CIDEA: variants seen among roughly 807,000 people sequenced by gnomAD.
CIDEA encodes the protein cell death inducing DFFA like effector a.
A neutral mutation model predicts 18.2 loss-of-function variants in CIDEA; 10 were observed. The ratio of observed to expected loss-of-function variants is 0.55; its 90% CI spans 0.34 to 0.93. The LOEUF (loss-of-function observed/expected upper bound fraction) is 0.93. Among genes scored for constraint, CIDEA ranks in the 40% least tolerant of loss-of-function variants. The pLI is 0.02. For missense variants in CIDEA, 309 were observed against 293.1 expected (o/e 1.05, Z -0.40); for synonymous variants, 128 against 124.8 (o/e 1.03, Z -0.17).
At position 12,254,817 on chromosome 18, in the gene CIDEA, A is replaced by G. The variant is rs7505615; in HGVS notation, c.38+396A>G. ...AGGAACCCCGAGCAAAGCTTCCGCG[A>G]TGCGAGGGGACCGGGCTTCTGGGGG... On this transcript the variant is annotated intron_variant, in intron 1 of 4. Coordinates refer to ENST00000320477, the MANE Select transcript of CIDEA (RefSeq NM_001279.4). The G allele has an allele frequency of 0.19, 253,233 of 1,341,268 alleles. 27,457 individuals are homozygous for G. Among genetic ancestry groups the G allele is most frequent in the African/African-American group, 0.45 (30,158 of 67,536 alleles). 83.1% of individuals were successfully genotyped at this position (1,341,268 alleles called of 1,614,324 possible).
intron 3 of CIDEA, among the ~76,000 whole-genome samples, chr18:12,268,229 C>CTTTTTGTTTTTTTTT (rs1491473988): frequency 1.4e-5 from 1 of 72,998 alleles, no homozygotes; most frequent in Non-Finnish European, 2.6e-5. Context: ...CATGCCCGGC[C>CTTTTTGTTTTTTTTT]ATTTTTTTTT....
At chr18:12,261,697 C>T (rs1474970964) in intron 1 of CIDEA, among the ~76,000 whole-genome samples, 2 of 152,014 alleles carry the variant, frequency 1.3e-5, no homozygotes, top group African/African-American at 4.8e-5. Context: ...TCTCCACTTC[C>T]TGAGTAGATG....
rs1170183143 is a variant in CIDEA at position 12,277,224 on chromosome 18, G to A, written c.614G>A (p.Arg205Gln). The A allele has an allele frequency of 2.2e-5, 35 of 1,614,052 alleles. No individual in the cohort carries two copies. Among genetic ancestry groups the A allele is most frequent in the Admixed American group, 3.3e-5 (2 of 59,996 alleles). The change falls in exon 5 of 5, where the codon CGG (arginine) becomes CAG (glutamine). Residue 205 changes from arginine to glutamine, a missense_variant. Arg to Gln is a conservative substitution (Grantham distance 43, BLOSUM62 1). Coordinates refer to ENST00000320477, the MANE Select transcript of CIDEA (RefSeq NM_001279.4). ...MLRVLDDKEE[R>Q]PSLRSQAKGR... ...CGGGTGCTGGATGACAAGGAAGAGC[G>A]GCCATCCCTCCGGTCACAAGCCAAG...
intron 4 of CIDEA, among the ~76,000 whole-genome samples, chr18:12,276,548 C>T (rs1905338747): frequency 6.6e-6 from 1 of 152,208 alleles, no homozygotes; most frequent in South Asian, 2.1e-4. Context: ...AGCCATGGAA[C>T]TCACGACAGC....
intron 3 of CIDEA, among the ~76,000 whole-genome samples, chr18:12,265,522 C>T (rs1212414859): frequency 6.6e-6 from 1 of 152,236 alleles, no homozygotes; most frequent in Non-Finnish European, 1.5e-5. Context: ...TTAGAGCTCT[C>T]TCCTGGCAAT....
At chr18:12,258,237 T>C (rs1221998309) in intron 1 of CIDEA, among the ~76,000 whole-genome samples, 6 of 152,188 alleles carry the variant, frequency 3.9e-5, no homozygotes, top group African/African-American at 1.4e-4. Flanking sequence ...CAGAAATGGT[T>C]GCCAGCTCTT....
chr18:12,260,133 G>C (rs191089927), intron 1 of CIDEA, among the ~76,000 whole-genome samples: 1 of 152,128 alleles, frequency 6.6e-6, no homozygotes, highest in Non-Finnish European at 1.5e-5. Context: ...GGCGATTTTT[G>C]AGAGCCAGCT....
At chr18:12,272,156 G>T (rs905351155) in intron 3 of CIDEA, among the ~76,000 whole-genome samples, 2 of 14,776 alleles carry the variant, frequency 1.4e-4, no homozygotes, top group South Asian at 3.7e-3. Context: ...GTGTGGGGGG[G>T]GGGGGTTGGG....
chr18:12,269,384 TA>T (rs1912449365), intron 3 of CIDEA, among the ~76,000 whole-genome samples: 1 of 152,190 alleles, frequency 6.6e-6, no homozygotes, highest in Non-Finnish European at 1.5e-5. Flanking sequence ...TTCTTTTTTT[TA>T]TATTATGCCA....
chr18:12,277,129 G>A lies in CIDEA; in HGVS notation c.519G>A (p.Leu173=). The change falls in exon 5 of 5, where the codon CTG becomes CTA. Residue 173 remains leucine, a synonymous_variant. Transcript: ENST00000320477. The part of the protein sequence containing the change: ...CTGLKGLLRS[L]LRFLSYSAQV... ...CCATCTGCCTCTGCCACAGGAGTCTGCTGCGGTTCCTGTCCTACTCCGCCC... is the reference window on the plus strand; with the variant it reads ...CCATCTGCCTCTGCCACAGGAGTCTACTGCGGTTCCTGTCCTACTCCGCCC... 1 of 1,614,126 alleles carries A rather than the reference G, an allele frequency of 6.2e-7. No homozygotes were observed. Among genetic ancestry groups the A allele is most frequent in the Non-Finnish European group, 8.5e-7 (1 of 1,180,018 alleles).
intron 1 of CIDEA, among the ~76,000 whole-genome samples, chr18:12,256,895 G>A (rs758805497): frequency 7.9e-5 from 12 of 152,182 alleles, no homozygotes; most frequent in African/African-American, 1.4e-4. Flanking sequence ...GGTAGCTTGC[G>A]AAGAACTGAG....
At chr18:12,261,462 T>A (rs1391660909) in intron 1 of CIDEA, among the ~76,000 whole-genome samples, 1 of 152,238 alleles carries the variant, frequency 6.6e-6, no homozygotes, top group East Asian at 1.9e-4. Context: ...GCAGGGTAAC[T>A]GTGTCTCCCC....
intron 2 of CIDEA, 132 bp from the exon 3 acceptor site, chr18:12,264,175 G>T: frequency 1.2e-6 from 1 of 803,186 alleles, no homozygotes; most frequent in Non-Finnish European, 1.8e-6. Context: ...ACAAGTCAAG[G>T]TTACCTTTAC....
At chr18:12,264,527 G>A in intron 3 of CIDEA, 74 bp downstream of exon 3, 3 of 1,095,338 alleles carry the variant, frequency 2.7e-6, no homozygotes, top group Non-Finnish European at 1.3e-6. Context: ...CCCTACTTGG[G>A]TGTTGACTTG....
At chr18:12,273,369 T>C (rs1444316701) in intron 3 of CIDEA, among the ~76,000 whole-genome samples, 1 of 151,530 alleles carries the variant, frequency 6.6e-6, no homozygotes, top group East Asian at 2.0e-4. Flanking sequence ...AAAGAACAGC[T>C]CCTGGCCTGT....
intron 1 of CIDEA, among the ~76,000 whole-genome samples, chr18:12,258,242 G>C (rs1912092523): frequency 6.6e-6 from 1 of 152,190 alleles, no homozygotes; most frequent in Non-Finnish European, 1.5e-5. Flanking sequence ...ATGGTTGCCA[G>C]CTCTTATCTT....
intron 3 of CIDEA, among the ~76,000 whole-genome samples, chr18:12,268,507 C>A (rs940103857): frequency 3.6e-4 from 54 of 151,782 alleles, no homozygotes; most frequent in African/African-American, 1.2e-3. Flanking sequence ...CCCACCTCAG[C>A]CTCCCAAGTA....
At chr18:12,273,481 T>C (rs1912607480) in intron 3 of CIDEA, among the ~76,000 whole-genome samples, 2 of 152,200 alleles carry the variant, frequency 1.3e-5, no homozygotes, top group South Asian at 4.1e-4. Flanking sequence ...TAGAGGTCAC[T>C]GACTTCCTCC....
At chr18:12,276,033 G>A (rs1345193535) in intron 4 of CIDEA, among the ~76,000 whole-genome samples, 1 of 122,112 alleles carries the variant, frequency 8.2e-6, no homozygotes, top group African/African-American at 3.1e-5. Flanking sequence ...TCACTCTGCT[G>A]CCCAGGCTGG....
Sources: gnomAD v4.1 joint callset for allele counts (sites outside exome capture counted in the v4.1 genomes callset) on GRCh38, gnomAD v4.1.1 for gene constraint, MANE v1.5 for transcripts, NCBI Gene and HGNC (gene_info 2026-07-23, HGNC 2026-07-21) for gene names.